Variants in SLC27A4 observed in about 807,000 individuals in gnomAD.
SLC27A4 encodes solute carrier family 27 member 4.
A neutral mutation model predicts 64.4 loss-of-function variants in SLC27A4; 33 were observed. The observed-to-expected ratio is 0.51, with a 90% CI of 0.39 to 0.68. SLC27A4 has a LOEUF of 0.68. Among genes scored for constraint, SLC27A4 ranks in the 30% least tolerant of loss-of-function variants. The probability of loss-of-function intolerance (pLI) is 0.00; values close to 1 mark genes in which losing one functional copy is unlikely to be tolerated. For synonymous variants in SLC27A4, 377 were observed against 370.0 expected (o/e 1.02, Z -0.22); for missense variants, 824 against 883.5 (o/e 0.93, Z 0.85).
intron 1 of SLC27A4, among the ~76,000 whole-genome samples, 178 bp downstream of exon 1, chr9:128,341,016 C>A (rs1832562608): frequency 6.6e-6 from 1 of 152,232 alleles, no homozygotes; most frequent in Non-Finnish European, 1.5e-5. Flanking sequence ...GGGACAGGGG[C>A]CCGAGGGAAC....
Position 128,353,399 on chromosome 9 carries a change from G to A in SLC27A4, c.1198-16G>A. The A allele has an allele frequency of 6.2e-7, 1 of 1,614,216 alleles. No homozygotes were observed. The highest frequency in any genetic ancestry group is 8.5e-7 in the Non-Finnish European group (1 of 1,180,046). On this transcript the variant is annotated splice_polypyrimidine_tract_variant and intron_variant, in intron 8 of 12. Coordinates refer to ENST00000300456, the MANE Select transcript of SLC27A4 (RefSeq NM_005094.4). The surrounding 1 kb of genome is among the most constrained non-coding windows in gnomAD (Gnocchi z 4.9). ...CCATGGTGAGAGAGCCCAGGCCCAA[G>A]TCTTGGCCTTCGCAGGTGGGGGCCT...
Position 128,348,586 on chromosome 9 carries a change from C to A in SLC27A4, c.598C>A (p.Leu200Ile). The A allele has an allele frequency of 6.2e-7, 1 of 1,613,620 alleles. No individual in the cohort carries two copies. The highest frequency in any genetic ancestry group is 8.5e-7 in the Non-Finnish European group (1 of 1,180,022). ...VHASLDPSLS[L>I]FCSGSWEPGA... ...TGCCAGCCTGGACCCCTCGCTCAGC[C>A]TCTTCTGCTCTGGCTCCTGGGAGCC... Residue 200 changes from leucine to isoleucine, a missense_variant, in exon 4 of 13, where the codon CTC (leucine) becomes ATC (isoleucine). Transcript: ENST00000300456.
chr9:128,356,874 C>T (rs1832827708), intron 12 of SLC27A4, among the ~76,000 whole-genome samples: 1 of 152,062 alleles, frequency 6.6e-6, no homozygotes, highest in Non-Finnish European at 1.5e-5. Flanking sequence ...GATGGATTGC[C>T]TGAGCTCAGG....
Position 128,340,821 on chromosome 9 carries a change from C to A in SLC27A4, c.-24C>A. Reference sequence around the variant, plus strand: ...GGCCGCATCTGGACGGGGCGCCGCGCGGCGGAGCCGACGCCGGGTGAGCAT... The same window carrying A: ...GGCCGCATCTGGACGGGGCGCCGCGAGGCGGAGCCGACGCCGGGTGAGCAT... On this transcript the variant is annotated 5_prime_UTR_variant, in exon 1 of 13. Transcript: ENST00000300456. 1.5e-6 allele frequency: 1 copy of A among 686,338 alleles called. No homozygotes were observed. The highest frequency in any genetic ancestry group is 2.7e-6 in the Non-Finnish European group (1 of 371,744). 42.5% of individuals were successfully genotyped at this position (686,338 alleles called of 1,614,324 possible). A position where few individuals can be genotyped will look rare whatever the true frequency, so the allele number is the denominator to read the frequency against.
intron 12 of SLC27A4, among the ~76,000 whole-genome samples, chr9:128,357,261 C>CAAA (rs1007585471): frequency 6.5e-4 from 33 of 50,936 alleles, no homozygotes; most frequent in African/African-American, 1.4e-3. Context: ...GACTCTGTCT[C>CAAA]AAAAAAAAAA....
intron 3 of SLC27A4, 51 bp from the exon 4 acceptor site, chr9:128,348,494 G>T: frequency 6.2e-7 from 1 of 1,607,928 alleles, no homozygotes; most frequent in South Asian, 1.1e-5. Flanking sequence ...AGAGGTCCCT[G>T]GGAACATGGG....
chr9:128,340,889 C>G, intron 1 of SLC27A4, 51 bp downstream of exon 1: 3 of 551,796 alleles, frequency 5.4e-6, no homozygotes, highest in Admixed American at 6.0e-5. Flanking sequence ...TGTGCCAGGC[C>G]GAGTCGGGCG....
intron 4 of SLC27A4, among the ~76,000 whole-genome samples, chr9:128,349,334 C>T (rs1832701825): frequency 6.6e-6 from 1 of 152,128 alleles, no homozygotes; most frequent in African/African-American, 2.4e-5. Context: ...CTACTGCTTC[C>T]TTTGTGTGAA....
chr9:128,353,231 C>T lies in SLC27A4; in HGVS notation c.1194C>T (p.Ser398=). Residue 398 remains serine (S), a synonymous_variant, in exon 8 of 13, where the codon AGC becomes AGT. Transcript: ENST00000300456. The surrounding 1 kb of genome is among the most constrained non-coding windows in gnomAD (Gnocchi z 4.9). ...ACTGTAGCCTGGGCAACTTCGACAGCCAGGTGCGGCCAGGTTGGGGATGGG... is the reference window on the plus strand; with the variant it reads ...ACTGTAGCCTGGGCAACTTCGACAGTCAGGTGCGGCCAGGTTGGGGATGGG... ...ECNCSLGNFD[S]QVGACGFNSR... The T allele has an allele frequency of 6.2e-7, 1 of 1,613,886 alleles. No homozygotes were observed. The highest frequency in any genetic ancestry group is 8.5e-7 in the Non-Finnish European group (1 of 1,179,990).
chr9:128,359,682 A>G (rs1009591888), intron 12 of SLC27A4, among the ~76,000 whole-genome samples: 1 of 151,984 alleles, frequency 6.6e-6, no homozygotes, highest in Non-Finnish European at 1.5e-5. Flanking sequence ...GTGCACACCT[A>G]TAGTCCTGGC....
intron 2 of SLC27A4, among the ~76,000 whole-genome samples, chr9:128,344,911 C>T (rs1045281832): frequency 6.6e-6 from 1 of 152,112 alleles, no homozygotes; most frequent in African/African-American, 2.4e-5. Flanking sequence ...TTTGAGCAGG[C>T]CACGGCACCA....
chr9:128,357,248 T>G (rs1588566780), intron 12 of SLC27A4, among the ~76,000 whole-genome samples: 19 of 115,678 alleles, frequency 1.6e-4, no homozygotes, highest in African/African-American at 2.1e-4. Context: ...GGAGACAGAG[T>G]GAGACTCTGT....
In SLC27A4 at chr9:128,342,626, G is replaced by A. The variant is rs1588553592; in HGVS notation, c.-6-501G>A. 1.6e-5 allele frequency: 7 copies of A among 447,878 alleles called. No individual in the cohort carries two copies. In the East Asian group the frequency reaches 3.7e-4, roughly 24 times the overall value. The allele number at this position is 447,878 out of a possible 1,614,324, so 27.7% of individuals were successfully genotyped here. A position where few individuals can be genotyped will look rare whatever the true frequency, so the allele number is the denominator to read the frequency against. ...GGGTGGGACGACAGTGAAATCTAGA[G>A]TAAAACCAGGCTGGCCCAAGGTGTC... On this transcript the variant is annotated intron_variant, in intron 1 of 12. Transcript: ENST00000300456.
chr9:128,360,777 G>T lies in SLC27A4; in HGVS notation c.*286G>T, dbSNP rs1832890798. ...TCTCAGGATGATGTCTTGGGTGAGG[G>T]TAGGGAGAGGACAAGGGGTCACCGA... On this transcript the variant is annotated 3_prime_UTR_variant, in exon 13 of 13. Coordinates refer to ENST00000300456, the MANE Select transcript of SLC27A4 (RefSeq NM_005094.4). 1 of 462,280 alleles carries T rather than the reference G, an allele frequency of 2.2e-6. No homozygotes were observed. Among genetic ancestry groups the T allele is most frequent in the Non-Finnish European group, 4.0e-6 (1 of 249,184 alleles). The allele number at this position is 462,280 out of a possible 1,614,324, so 28.6% of individuals were successfully genotyped here.
chr9:128,347,994 GC>G (rs1436073571), intron 3 of SLC27A4, among the ~76,000 whole-genome samples: 2 of 152,158 alleles, frequency 1.3e-5, no homozygotes, highest in Non-Finnish European at 2.9e-5. Flanking sequence ...GGAAGGTGGG[GC>G]CAAGCCGACC....
Position 128,345,620 on chromosome 9 carries a change from G to T in SLC27A4, c.556+71G>T. The T allele has an allele frequency of 6.7e-7, 1 of 1,488,790 alleles. No individual in the cohort carries two copies. The allele number at this position is 1,488,790 out of a possible 1,614,324, so 92.2% of individuals were successfully genotyped here. A position where few individuals can be genotyped will look rare whatever the true frequency, so the allele number is the denominator to read the frequency against. On this transcript the variant is annotated intron_variant, in intron 3 of 12. Transcript: ENST00000300456. This position sits in a 1 kb window ranked among gnomAD's most constrained non-coding sequence, Gnocchi z 4.1. ...TTACACAGACCACAGCTCCCTTCCA[G>T]CCCTGCCAAGGCTGTGTGGGTCAGT...
Position 128,345,521 on chromosome 9 carries a change from C to G in SLC27A4, c.528C>G (p.Ala176=). 2 of 1,608,552 alleles carry G rather than the reference C, an allele frequency of 1.2e-6. No individual in the cohort carries two copies. Among genetic ancestry groups the G allele is most frequent in the East Asian group, 4.5e-5 (2 of 44,758 alleles). The change falls in exon 3 of 13, where the codon GCC becomes GCG. Residue 176 remains alanine (A), a synonymous_variant. Coordinates refer to ENST00000300456, the MANE Select transcript of SLC27A4 (RefSeq NM_005094.4). This position sits in a 1 kb window ranked among gnomAD's most constrained non-coding sequence, Gnocchi z 4.1. ...GCCTCACCACCTCGCGCGCACGGGC[C>G]CTTGTCTTTGGCAGCGAAATGGCCT... is the stretch of plus-strand genomic sequence containing the variant. ...LHCLTTSRAR[A]LVFGSEMASA...
chr9:128,344,856 G>T (rs908253017), intron 2 of SLC27A4, among the ~76,000 whole-genome samples: 5 of 152,150 alleles, frequency 3.3e-5, no homozygotes, highest in Admixed American at 1.3e-4. Flanking sequence ...AGCCAGAGAG[G>T]CCTAGAGTTC....
intron 5 of SLC27A4, 38 bp downstream of exon 5, chr9:128,350,419 A>G: frequency 6.2e-7 from 1 of 1,612,660 alleles, no homozygotes; most frequent in Non-Finnish European, 8.5e-7. Context: ...AGGCACAGGC[A>G]GGGCTGGGGA....
Sources: allele counts gnomAD v4.1 joint callset (sites outside exome capture counted in the v4.1 genomes callset), GRCh38; gene constraint gnomAD v4.1.1; non-coding constraint Gnocchi (gnomAD v3.1); transcripts MANE v1.5; gene names NCBI Gene and HGNC (gene_info 2026-07-23, HGNC 2026-07-21).